Variants in DCDC2B observed in about 807,000 individuals in gnomAD.
The protein encoded by DCDC2B is doublecortin domain containing 2B, also known as doublecortin domain-containing protein 2B.
In DCDC2B, 41 loss-of-function variants were observed where a neutral mutation model predicts 38.9. The observed-to-expected ratio is 1.05, with a 90% CI of 0.82 to 1.37. The LOEUF (loss-of-function observed/expected upper bound fraction) is 1.37. DCDC2B is among the 40% of genes most tolerant of loss of function. The pLI is 0.00. For synonymous variants in DCDC2B, 181 were observed against 171.9 expected (o/e 1.05, Z -0.41); for missense variants, 453 against 427.2 (o/e 1.06, Z -0.53).
At chr1:32,210,280 C>T (rs574042534) in intron 1 of DCDC2B, among the ~76,000 whole-genome samples, 10 of 148,182 alleles carry the variant, frequency 6.7e-5, no homozygotes, top group African/African-American at 2.0e-4. Flanking sequence ...GAGCCGAGAT[C>T]GTGCCACTGC....
Position 32,215,786 on chromosome 1 carries a change from C to G in DCDC2B, c.955-16C>G, listed in dbSNP as rs1415907874. ...TACTCACGGCTCCATTCTGTATGGC[C>G]TTCCACCTCCTGCAGAGGGCAGCAC... On this transcript the variant is annotated splice_polypyrimidine_tract_variant and intron_variant, in intron 8 of 8. Coordinates refer to ENST00000409358, the MANE Select transcript of DCDC2B (RefSeq NM_001099434.2). 6.5e-7 allele frequency: 1 copy of G among 1,543,802 alleles called. No homozygotes were observed. The highest frequency in any genetic ancestry group is 2.0e-5 in the Admixed American group (1 of 50,088).
chr1:32,212,264 T>C, intron 4 of DCDC2B, 63 bp downstream of exon 4: 1 of 1,591,614 alleles, frequency 6.3e-7, no homozygotes, highest in Non-Finnish European at 8.6e-7. Context: ...TGGCTTCAGC[T>C]GTGGCTGAGG....
chr1:32,214,660 CG>C, intron 6 of DCDC2B, 136 bp from the exon 7 acceptor site: 1 of 1,273,692 alleles, frequency 7.9e-7, no homozygotes, highest in Non-Finnish European at 1.1e-6. Flanking sequence ...GGAGGGAGGA[CG>C]TACTTTGTGA....
At chr1:32,211,415 C>A in intron 2 of DCDC2B, 92 bp downstream of exon 2, 1 of 1,315,358 alleles carries the variant, frequency 7.6e-7, no homozygotes, top group South Asian at 1.2e-5. Flanking sequence ...AGGGAAGCAG[C>A]AGGATCTGCC....
At chr1:32,211,427 G>T in intron 2 of DCDC2B, 104 bp downstream of exon 2, 1 of 1,175,764 alleles carries the variant, frequency 8.5e-7, no homozygotes. Context: ...GGATCTGCCA[G>T]TTCCAGGGGG....
chr1:32,211,866 GT>G, intron 3 of DCDC2B, 29 bp downstream of exon 3: 1 of 1,586,788 alleles, frequency 6.3e-7, no homozygotes, highest in Non-Finnish European at 8.6e-7. Flanking sequence ...GAGCAGGGGT[GT>G]TGATGTTTGT....
At chr1:32,211,661 C>T in intron 2 of DCDC2B, 100 bp from the exon 3 acceptor site, 2 of 1,228,274 alleles carry the variant, frequency 1.6e-6, no homozygotes, top group Non-Finnish European at 2.3e-6. Context: ...CCCTTCCTGC[C>T]CCAGTCTGGT....
chr1:32,212,056 G>C lies in DCDC2B; in HGVS notation c.396-14G>C, dbSNP rs765260233. 2 of 1,607,288 alleles carry C rather than the reference G, an allele frequency of 1.2e-6. No individual in the cohort carries two copies. Among genetic ancestry groups the C allele is most frequent in the Non-Finnish European group, 1.7e-6 (2 of 1,174,894 alleles). ...TCCTGGGGACACTCCCCCTTACCAG[G>C]CTTTTTGTCTCAGTGTGTTCAGGAA... is the stretch of plus-strand genomic sequence containing the variant. On this transcript the variant is annotated splice_polypyrimidine_tract_variant and intron_variant, in intron 3 of 8. Transcript: ENST00000409358.
At chr1:32,212,381 CT>C in intron 4 of DCDC2B, 108 bp from the exon 5 acceptor site, 16 of 1,540,606 alleles carry the variant, frequency 1.0e-5, no homozygotes, top group Non-Finnish European at 1.4e-5. Flanking sequence ...GCCTGGGTGC[CT>C]AGAGGCCAGA....
chr1:32,212,271 G>C, intron 4 of DCDC2B, 70 bp downstream of exon 4: 3 of 1,585,368 alleles, frequency 1.9e-6, no homozygotes, highest in Non-Finnish European at 1.7e-6. Context: ...AGCTGTGGCT[G>C]AGGATGAAGA....
chr1:32,211,986 G>C (rs1196357966), intron 3 of DCDC2B, 84 bp from the exon 4 acceptor site: 1 of 1,555,448 alleles, frequency 6.4e-7, no homozygotes, highest in East Asian at 2.3e-5. Flanking sequence ...CCAGTGTTAT[G>C]GTTATTGCTG....
At chr1:32,211,730 TC>T (rs772316436) in intron 2 of DCDC2B, 30 bp from the exon 3 acceptor site, 40 of 1,579,868 alleles carry the variant, frequency 2.5e-5, no homozygotes, top group Non-Finnish European at 3.4e-5. Context: ...GCCCCAACTC[TC>T]CTGATTTGGA....
chr1:32,215,586 G>A, intron 8 of DCDC2B, 43 bp downstream of exon 8: 3 of 1,577,484 alleles, frequency 1.9e-6, no homozygotes, highest in Non-Finnish European at 2.6e-6. Context: ...GGTGGGAGGA[G>A]CTCTGAGCTG....
chr1:32,211,382 C>T, intron 2 of DCDC2B, 59 bp downstream of exon 2: 1 of 1,586,056 alleles, frequency 6.3e-7, no homozygotes, highest in Non-Finnish European at 8.6e-7. Flanking sequence ...CCTGGAACTG[C>T]CCCCAATTTG....
At chr1:32,212,416 C>A in intron 4 of DCDC2B, 74 bp from the exon 5 acceptor site, 1 of 1,586,570 alleles carries the variant, frequency 6.3e-7, no homozygotes, top group Non-Finnish European at 8.6e-7. Context: ...TAGCTGCACC[C>A]ACCCCTTCAG....
intron 4 of DCDC2B, 26 bp downstream of exon 4, chr1:32,212,227 A>C (rs779652163): frequency 1.9e-6 from 3 of 1,605,080 alleles, no homozygotes; most frequent in Admixed American, 1.7e-5. Context: ...GCGAGGGCCC[A>C]AAAGTCCCCA....
chr1:32,214,023 G>A lies in DCDC2B; in HGVS notation c.715-774G>A, dbSNP rs530820231. On this transcript the variant is annotated intron_variant, in intron 6 of 8. Coordinates refer to ENST00000409358, the MANE Select transcript of DCDC2B (RefSeq NM_001099434.2). ...GTGGAAACTGAAGCTGAAAAGTGAAGTGGGCCTTGGGCACGATGGCTCACA... is the reference window on the plus strand; with the variant it reads ...GTGGAAACTGAAGCTGAAAAGTGAAATGGGCCTTGGGCACGATGGCTCACA... Among the ~76,000 whole-genome samples the A allele has an allele frequency of 3.6e-4, 54 of 152,030 alleles. No individual in the cohort carries two copies. In the South Asian group the frequency reaches 0.011, roughly 31 times the overall value.
chr1:32,210,165 TA>T (rs920899638), intron 1 of DCDC2B, among the ~76,000 whole-genome samples: 31 of 152,052 alleles, frequency 2.0e-4, no homozygotes, highest in African/African-American at 6.8e-4. Context: ...CCATCTCTAC[TA>T]AAACTACAAC....
At chr1:32,211,464 C>T in intron 2 of DCDC2B, 141 bp downstream of exon 2, 1 of 849,070 alleles carries the variant, frequency 1.2e-6, no homozygotes, top group Non-Finnish European at 1.8e-6. Flanking sequence ...TACTATCTTT[C>T]CTGGGGCGTG....
Sources: gnomAD v4.1 joint callset for allele counts (sites outside exome capture counted in the v4.1 genomes callset) on GRCh38, gnomAD v4.1.1 for gene constraint, MANE v1.5 for transcripts, NCBI Gene and HGNC (gene_info 2026-07-23, HGNC 2026-07-21) for gene names.